The following NXPE4 variants were observed in gnomAD, a reference collection of about 807,000 sequenced individuals.
The protein encoded by NXPE4 is NXPE family member 4.
Under a neutral mutation model 33.3 loss-of-function variants are expected in NXPE4, and 42 were observed. The ratio of observed to expected loss-of-function variants is 1.26; its 90% CI spans 0.98 to 1.63. NXPE4 has a LOEUF of 1.63. Ranked by LOEUF, NXPE4 falls within the 40% of genes most tolerant of loss-of-function variation. The pLI is 0.00. For synonymous variants in NXPE4, 253 were observed against 234.9 expected, an observed-to-expected ratio of 1.08 and a Z score of -0.71; for missense variants, 709 against 647.6, an observed-to-expected ratio of 1.09 and a Z score of -1.03.
chr11:114,655,944 A>T, the NXPE4 span, among the ~76,000 whole-genome samples: 1 of 152,300 alleles, frequency 6.6e-6, no homozygotes, highest in East Asian at 1.9e-4. Flanking sequence ...CAGGCAAGAG[A>T]AAGAAATAAA....
chr11:114,674,320 TG>T, the NXPE4 span, among the ~76,000 whole-genome samples: 17 of 151,404 alleles, frequency 1.1e-4, no homozygotes, highest in African/African-American at 3.4e-4. Flanking sequence ...ATGGGAAAAA[TG>T]TGCTTCAGTA....
chr11:114,611,365 G>A, the NXPE4 span, among the ~76,000 whole-genome samples: 1 of 151,396 alleles, frequency 6.6e-6, no homozygotes, highest in Non-Finnish European at 1.5e-5. Flanking sequence ...TTACCCGGTG[G>A]ATAATAAGTG....
the NXPE4 span, among the ~76,000 whole-genome samples, chr11:114,664,094 T>C: frequency 6.6e-6 from 1 of 152,184 alleles, no homozygotes; most frequent in African/African-American, 2.4e-5. Context: ...AGAGGTTTTA[T>C]TCACAATTGC....
intron 2 of NXPE4, among the ~76,000 whole-genome samples, chr11:114,591,880 T>C (rs1305354719): frequency 2.0e-5 from 3 of 152,176 alleles, no homozygotes; most frequent in African/African-American, 7.2e-5. Context: ...ATTATGTCCC[T>C]AATTTTTTGA....
the NXPE4 span, among the ~76,000 whole-genome samples, chr11:114,627,153 C>G: frequency 3.9e-5 from 6 of 151,934 alleles, no homozygotes; most frequent in Non-Finnish European, 5.9e-5. Context: ...CGTTCAGATT[C>G]AGGAAATACA....
chr11:114,609,429 T>C, the NXPE4 span, among the ~76,000 whole-genome samples: 2 of 151,786 alleles, frequency 1.3e-5, no homozygotes, highest in African/African-American at 4.8e-5. Context: ...GGATAATAAG[T>C]GTTGCCTCTC....
rs899035354 is a variant in NXPE4, at chr11:114,571,363, C to G, written c.1210G>C (p.Gly404Arg). ...TCTTTGACTGAATAGGTCATTGATC[C>G]TATCAAGGGATAACAATATTTTTGC... ...QWQKYCYPLI[G>R]SMTYSVKEME... Residue 404 changes from glycine (G) to arginine (R), a missense_variant, in exon 6 of 6, where the codon GGA (glycine) becomes CGA (arginine). Physicochemically the swap from Gly to Arg is moderately radical, Grantham distance 125. Transcript: ENST00000375478. 1.2e-6 allele frequency: 2 copies of G among 1,613,982 alleles called. No individual in the cohort carries two copies. The highest frequency in any genetic ancestry group is 3.3e-5 in the Admixed American group (2 of 59,996).
At chr11:114,632,575 C>A in the NXPE4 span, among the ~76,000 whole-genome samples, 1 of 104,360 alleles carries the variant, frequency 9.6e-6, no homozygotes, top group South Asian at 2.8e-4. Context: ...TTACATATAT[C>A]ATATATTTAT....
At chr11:114,583,123 T>A in intron 2 of NXPE4, 102 bp from the exon 3 acceptor site, 1 of 1,250,440 alleles carries the variant, frequency 8.0e-7, no homozygotes, top group East Asian at 2.3e-5. Context: ...ATGTTCCTAG[T>A]CATTTTTACT....
chr11:114,614,084 ACCT>A, the NXPE4 span, among the ~76,000 whole-genome samples: 1 of 150,570 alleles, frequency 6.6e-6, no homozygotes, highest in South Asian at 2.1e-4. Flanking sequence ...AACCACTGAT[ACCT>A]GGTTTATAAT....
the NXPE4 span, among the ~76,000 whole-genome samples, chr11:114,616,504 T>A: frequency 6.6e-6 from 1 of 151,690 alleles, no homozygotes; most frequent in Non-Finnish European, 1.5e-5. Context: ...TGTTAACCGG[T>A]GGATAATATG....
At chr11:114,609,732 AT>A in the NXPE4 span, among the ~76,000 whole-genome samples, 2 of 150,836 alleles carry the variant, frequency 1.3e-5, no homozygotes, top group Non-Finnish European at 3.0e-5. Context: ...GTATTGCCTC[AT>A]GGATAACCAC....
chr11:114,615,548 TAA>T, the NXPE4 span, among the ~76,000 whole-genome samples: 1 of 151,948 alleles, frequency 6.6e-6, no homozygotes, highest in Non-Finnish European at 1.5e-5. Context: ...CGGTGGATAA[TAA>T]GTGTTGCTTC....
At chr11:114,642,777 C>T in the NXPE4 span, among the ~76,000 whole-genome samples, 1 of 151,864 alleles carries the variant, frequency 6.6e-6, no homozygotes, top group African/African-American at 2.4e-5. Context: ...GGGTATATAC[C>T]CAGTACTGGG....
chr11:114,592,761 A>G (rs564179109), intron 2 of NXPE4, among the ~76,000 whole-genome samples: 16 of 152,310 alleles, frequency 1.1e-4, no homozygotes, highest in African/African-American at 3.8e-4. Flanking sequence ...AAGGCAGTAT[A>G]TTACCTGACT....
the NXPE4 span, among the ~76,000 whole-genome samples, chr11:114,646,662 T>G: frequency 6.6e-6 from 1 of 152,114 alleles, no homozygotes; most frequent in South Asian, 2.1e-4. Flanking sequence ...ACCATTAAAA[T>G]AGACCCAATT....
At chr11:114,642,469 T>G in the NXPE4 span, among the ~76,000 whole-genome samples, 1 of 151,820 alleles carries the variant, frequency 6.6e-6, no homozygotes, top group East Asian at 1.9e-4. Flanking sequence ...TTCCCCTCCC[T>G]GTGTCCATGT....
chr11:114,591,720 A>C (rs1222610573), intron 2 of NXPE4, among the ~76,000 whole-genome samples: 2 of 152,124 alleles, frequency 1.3e-5, no homozygotes, highest in East Asian at 3.8e-4. Context: ...AATATACCTC[A>C]AAACAATAAA....
the NXPE4 span, among the ~76,000 whole-genome samples, chr11:114,637,424 C>T: frequency 1.3e-5 from 2 of 151,990 alleles, no homozygotes; most frequent in Non-Finnish European, 2.9e-5. Flanking sequence ...TCCAATTTGC[C>T]AGTCTGTGTC....
Sources: gnomAD v4.1 joint callset for allele counts (sites outside exome capture counted in the v4.1 genomes callset) on GRCh38, gnomAD v4.1.1 for gene constraint, MANE v1.5 for transcripts, NCBI Gene and HGNC (gene_info 2026-07-23, HGNC 2026-07-21) for gene names.